XPNPEP2: variants seen among roughly 807,000 people sequenced by gnomAD.
XPNPEP2 encodes X-prolyl aminopeptidase 2, also known as xaa-Pro aminopeptidase 2.
XPNPEP2 carries 64 observed loss-of-function variants against 59.8 expected under a neutral mutation model. The observed-to-expected ratio is 1.07, with a 90% CI of 0.87 to 1.32. XPNPEP2 has a LOEUF of 1.32. Among genes scored for constraint, XPNPEP2 ranks in the 40% most tolerant of loss-of-function variants. The pLI is 0.00. For synonymous variants in XPNPEP2, 235 were observed against 210.0 expected (o/e 1.12, Z -1.03); for missense variants, 575 against 546.8 (o/e 1.05, Z -0.51).
chrX:129,756,593 G>T, intron 14 of XPNPEP2, 38 bp downstream of exon 14: 2 of 1,172,399 alleles, frequency 1.7e-6, no homozygotes, highest in Non-Finnish European at 2.3e-6. Flanking sequence ...GGATGTCTCT[G>T]CTCAGACCTC....
intron 2 of XPNPEP2, among the ~76,000 whole-genome samples, chrX:129,742,787 C>T (rs913502048): frequency 5.4e-5 from 6 of 111,482 alleles, no homozygotes; most frequent in Non-Finnish European, 7.5e-5. Context: ...CTGTAATCCC[C>T]GCTACTCAGG....
chrX:129,762,882 G>C, intron 19 of XPNPEP2, 112 bp downstream of exon 19: 5 of 657,406 alleles, frequency 7.6e-6, no homozygotes, highest in Non-Finnish European at 1.2e-5. Context: ...TAGTGTGCAG[G>C]CATGAATTTA....
At chrX:129,746,490 T>C in intron 5 of XPNPEP2, 105 bp from the exon 6 acceptor site, 3 of 974,356 alleles carry the variant, frequency 3.1e-6, no homozygotes, top group Non-Finnish European at 4.4e-6. Context: ...AAGGCTGATC[T>C]CAAGGAAGAC....
At chrX:129,767,927 T>C (rs902295362) in intron 20 of XPNPEP2, among the ~76,000 whole-genome samples, 1 of 111,718 alleles carries the variant, frequency 9.0e-6, no homozygotes, top group Non-Finnish European at 1.9e-5. Flanking sequence ...GAATCTGAGA[T>C]TGGGCCTCTG....
At chrX:129,758,609 T>C (rs1926600214) in intron 14 of XPNPEP2, among the ~76,000 whole-genome samples, 3 of 111,586 alleles carry the variant, frequency 2.7e-5, no homozygotes, top group Non-Finnish European at 5.7e-5. Context: ...GGAGAGGCAG[T>C]GCTTGCTCTA....
intron 7 of XPNPEP2, 135 bp downstream of exon 7, chrX:129,747,888 T>A (rs779487846): frequency 2.2e-6 from 2 of 927,239 alleles, no homozygotes; most frequent in African/African-American, 3.8e-5. Context: ...CTGAGTCACC[T>A]GGGATGCTTG....
intron 1 of XPNPEP2, among the ~76,000 whole-genome samples, chrX:129,740,259 G>A (rs1194350485): frequency 8.9e-6 from 1 of 112,603 alleles, no homozygotes; most frequent in Non-Finnish European, 1.9e-5. Context: ...GAGTTTATGA[G>A]ACCAAGATAA....
chrX:129,768,652 A>T lies in XPNPEP2; in HGVS notation c.*167A>T, dbSNP rs1926798690. 2.4e-6 allele frequency: 1 copy of T among 408,585 alleles called. No homozygotes were observed. Among genetic ancestry groups the T allele is most frequent in the South Asian group, 9.1e-5 (1 of 10,974 alleles). 33.7% of individuals were successfully genotyped at this position (408,585 alleles called of 1,213,427 possible). The stretch of plus-strand genomic sequence containing the variant: ...ACCTATGGAGAAGGTCCCAGGCCCC[A>T]GGAACACAGGGCTTCTTGGCCCCAG... On this transcript the variant is annotated 3_prime_UTR_variant, in exon 21 of 21. Coordinates refer to ENST00000371106, the MANE Select transcript of XPNPEP2 (RefSeq NM_003399.6).
Position 129,742,145 on chromosome X carries a change from A to G in XPNPEP2, c.87A>G (p.Gly29=). The G allele has an allele frequency of 8.3e-7, 1 of 1,209,679 alleles. No homozygotes were observed. Residue 29 remains glycine, a synonymous_variant, in exon 2 of 21, where the codon GGA becomes GGG. Transcript: ENST00000371106. ...GCCACACAAAGCCAGTGGACCTTGG[A>G]GGGCAGGATGTGAGAAACTGTTCCA... ...AWGHTKPVDL[G]GQDVRNCSTN... is the part of the protein sequence containing the mutation.
intron 7 of XPNPEP2, 154 bp downstream of exon 7, chrX:129,747,907 G>A (rs1292948455): frequency 7.7e-6 from 6 of 782,329 alleles, no homozygotes; most frequent in Non-Finnish European, 1.1e-5. Context: ...TGTTTAAAAT[G>A]CAGATTTCAG....
At chrX:129,744,499 C>A (rs180679778) in intron 3 of XPNPEP2, among the ~76,000 whole-genome samples, 84 of 111,776 alleles carry the variant, frequency 7.5e-4, no homozygotes, top group African/African-American at 2.7e-3. Context: ...TAAGGGAGCG[C>A]GGGGTTGGTT....
At chrX:129,761,889 C>A in intron 17 of XPNPEP2, 117 bp from the exon 18 acceptor site, 1 of 691,398 alleles carries the variant, frequency 1.4e-6, no homozygotes, top group Non-Finnish European at 2.3e-6. Flanking sequence ...ATGTGATGGA[C>A]CTGTGCTCAT....
intron 2 of XPNPEP2, among the ~76,000 whole-genome samples, chrX:129,743,014 C>T (rs1926226125): frequency 8.9e-6 from 1 of 111,932 alleles, no homozygotes; most frequent in Non-Finnish European, 1.9e-5. Flanking sequence ...CTTGGGTAGT[C>T]AGCTTCCTAG....
At chrX:129,747,095 G>GCTACC (rs1926312111) in intron 6 of XPNPEP2, among the ~76,000 whole-genome samples, 1 of 109,528 alleles carries the variant, frequency 9.1e-6, no homozygotes, top group African/African-American at 3.3e-5. Flanking sequence ...GGGCTTCTGA[G>GCTACC]TTTAAAAAAA....
rs1394132942 is a variant in XPNPEP2, at chrX:129,739,067, C to T, written c.-147C>T. 5.2e-6 allele frequency: 3 copies of T among 578,747 alleles called. No homozygotes were observed. In the East Asian group the frequency reaches 9.9e-5, roughly 19 times the overall value. The allele number at this position is 578,747 out of a possible 1,213,427, so 47.7% of individuals were successfully genotyped here. On this transcript the variant is annotated 5_prime_UTR_variant, in exon 1 of 21. Coordinates refer to ENST00000371106, the MANE Select transcript of XPNPEP2 (RefSeq NM_003399.6). ...AAAAGACCAGAGAAGCACTCTCCAC[C>T]CAGCAGCCAGACGCCTCCTTCTTGA... is the stretch of plus-strand genomic sequence containing the variant.
chrX:129,746,856 T>A, intron 6 of XPNPEP2, 175 bp downstream of exon 6: 1 of 466,966 alleles, frequency 2.1e-6, no homozygotes. Flanking sequence ...ATGGATTGTG[T>A]AATTAAAATA....
intron 14 of XPNPEP2, among the ~76,000 whole-genome samples, chrX:129,757,851 G>GAAAGAAAGAAAT (rs1926565024): frequency 2.4e-5 from 2 of 81,670 alleles, no homozygotes; most frequent in Non-Finnish European, 4.5e-5. Context: ...AAGAAAGAAA[G>GAAAGAAAGAAAT]AAAGAAAGAG....
Position 129,762,039 on chromosome X carries a change from T to C in XPNPEP2, c.1637T>C (p.Met546Thr), listed in dbSNP as rs1422477591. The C allele has an allele frequency of 8.3e-7, 1 of 1,211,986 alleles. No individual in the cohort carries two copies. Among genetic ancestry groups the C allele is most frequent in the Non-Finnish European group, 1.1e-6 (1 of 895,451 alleles). ...GGATTCCAGTCCAACAACATCGCTA[T>C]GGCCAAGGGCATGTTCACTTCCATT... ...PVGFQSNNIAMAKGMFTSIEP... is the reference protein window; with the variant it reads ...PVGFQSNNIATAKGMFTSIEP... Residue 546 changes from methionine to threonine, a missense_variant, in exon 18 of 21, where the codon ATG becomes ACG. By Grantham distance (81) the Met-to-Thr change is moderately conservative. Transcript: ENST00000371106.
At chrX:129,744,171 A>G in intron 3 of XPNPEP2, 100 bp downstream of exon 3, 1 of 767,430 alleles carries the variant, frequency 1.3e-6, no homozygotes, top group Non-Finnish European at 1.9e-6. Flanking sequence ...CAGAGAAAGG[A>G]TCTGATGGGC....
Sources: gnomAD v4.1 joint callset for allele counts (sites outside exome capture counted in the v4.1 genomes callset) on GRCh38, gnomAD v4.1.1 for gene constraint, MANE v1.5 for transcripts, NCBI Gene and HGNC (gene_info 2026-07-23, HGNC 2026-07-21) for gene names.